Variants in KLHL13 observed in about 807,000 individuals in gnomAD.
KLHL13 encodes the protein kelch like family member 13, also known as kelch-like protein 13.
In KLHL13, 10 loss-of-function variants were observed where a neutral mutation model predicts 37.1. That is an observed-to-expected ratio of 0.27 (90% CI 0.17 to 0.46). KLHL13 has a LOEUF of 0.46. KLHL13 is among the 20% of genes least tolerant of loss of function. The pLI is 1.00. For missense variants in KLHL13, 360 were observed against 509.3 expected, an observed-to-expected ratio of 0.71 and a Z score of 2.82; for synonymous variants, 163 against 181.2, an observed-to-expected ratio of 0.90 and a Z score of 0.81.
intron 1 of KLHL13, chrX:117,946,516 T>G (rs1933326386): frequency 1.8e-5 from 2 of 112,148 alleles, no homozygotes; most frequent in Non-Finnish European, 3.8e-5. Context: ...GAAGAGATCT[T>G]GTGTTTCTCC....
Position 118,046,550 on chromosome X carries a change from G to T in KLHL13, c.-56+69958C>A, listed in dbSNP as rs1051000745. Among the ~76,000 whole-genome samples the T allele has an allele frequency of 5.4e-5, 6 of 111,934 alleles. No homozygotes were observed. The Admixed American group carries it at 5.7e-4, about 11-fold the overall frequency. ...TAAAATAACTTAAAGAGTATAATTA[G>T]ATTGCTTGTAACTCAAAGGATAAAT... On this transcript the variant is annotated intron_variant, in intron 1 of 6. Transcript: ENST00000371882.
intron 5 of KLHL13, among the ~76,000 whole-genome samples, chrX:117,908,329 G>A (rs1297216906): frequency 9.2e-6 from 1 of 108,553 alleles, no homozygotes; most frequent in Non-Finnish European, 1.9e-5. Flanking sequence ...GTGCCATGGT[G>A]GTTTGCTGCA....
chrX:117,955,224 T>G (rs1479661656), intron 1 of KLHL13, among the ~76,000 whole-genome samples: 1 of 111,938 alleles, frequency 8.9e-6, no homozygotes, highest in African/African-American at 3.2e-5. Flanking sequence ...AATCAACTGC[T>G]AAAAGGTGGT....
At position 118,071,884 on chromosome X, in the gene KLHL13, C is replaced by T. The variant is rs777478122; in HGVS notation, c.-56+44624G>A. Among the ~76,000 whole-genome samples, 380 of 105,907 alleles carry T rather than the reference C, an allele frequency of 3.6e-3. 2 individuals are homozygous for T. The highest frequency in any genetic ancestry group is 4.7e-3 in the Non-Finnish European group (240 of 51,264). The allele number at this position is 105,907 out of a possible 115,157, so 92.0% of individuals were successfully genotyped here. On this transcript the variant is annotated intron_variant, in intron 1 of 6. Transcript: ENST00000371882. ...GCTCATGGGTAGGAAGAATCAATAT[C>T]GTGAAAATGGCCATACTGCCCAAGG... is the stretch of plus-strand genomic sequence containing the variant.
At chrX:118,106,048 C>T (rs2055343150) in intron 1 of KLHL13, among the ~76,000 whole-genome samples, 1 of 105,410 alleles carries the variant, frequency 9.5e-6, no homozygotes, top group South Asian at 4.4e-4. Context: ...ACTACAGGCA[C>T]CTGCCACCAC....
intron 1 of KLHL13, among the ~76,000 whole-genome samples, chrX:118,038,071 C>A (rs1467043453): frequency 8.9e-6 from 1 of 112,263 alleles, no homozygotes; most frequent in Non-Finnish European, 1.9e-5. Flanking sequence ...GTTTGATGTA[C>A]ACACATTTAT....
chrX:117,946,717 T>C (rs1933337027), intron 1 of KLHL13: 1 of 112,448 alleles, frequency 8.9e-6, no homozygotes, highest in African/African-American at 3.2e-5. Context: ...TTCCTCAATT[T>C]TGAATTATTT....
chrX:118,067,554 AAC>A (rs1435324722), intron 1 of KLHL13, among the ~76,000 whole-genome samples: 1 of 112,022 alleles, frequency 8.9e-6, no homozygotes, highest in African/African-American at 3.2e-5. Context: ...CTTAGCTTAA[AAC>A]ACATTATACA....
intron 1 of KLHL13, among the ~76,000 whole-genome samples, chrX:118,039,622 C>T (rs1452607514): frequency 8.9e-6 from 1 of 111,871 alleles, no homozygotes; most frequent in Non-Finnish European, 1.9e-5. Flanking sequence ...CTTTAACTCC[C>T]AGACAGGATC....
At chrX:118,014,534 T>G (rs2054105444) in intron 1 of KLHL13, among the ~76,000 whole-genome samples, 1 of 112,259 alleles carries the variant, frequency 8.9e-6, no homozygotes, top group South Asian at 3.7e-4. Context: ...CCTTGTGATC[T>G]TTTATTGCCC....
At chrX:117,904,108 T>C (rs1930339113) in intron 5 of KLHL13, among the ~76,000 whole-genome samples, 1 of 110,773 alleles carries the variant, frequency 9.0e-6, no homozygotes, top group African/African-American at 3.3e-5. Flanking sequence ...CAGTTCAAGA[T>C]AGCTATTAAC....
chrX:118,018,693 G>A (rs1436666398), intron 1 of KLHL13, among the ~76,000 whole-genome samples: 2 of 111,376 alleles, frequency 1.8e-5, no homozygotes, highest in Non-Finnish European at 3.8e-5. Flanking sequence ...CTGTCTCTGA[G>A]CAGAATTTTT....
intron 4 of KLHL13, among the ~76,000 whole-genome samples, chrX:117,915,106 A>T (rs898424501): frequency 1.8e-5 from 2 of 111,821 alleles, no homozygotes; most frequent in Non-Finnish European, 3.8e-5. Flanking sequence ...TTTTAATTTT[A>T]ATTATCTATA....
chrX:118,027,146 G>T lies in KLHL13; in HGVS notation c.-55-81571C>A, dbSNP rs150875231. 3.0e-3 allele frequency among the ~76,000 whole-genome samples: 338 copies of T among 111,762 alleles called. 1 individual carries two copies. In the East Asian group the frequency reaches 0.049, roughly 16 times the overall value. ...AAGGACTATATCATCTGTTTATTAT[G>T]AGAGTGTTTTGAGAAAGTTACCAAA... On this transcript the variant is annotated intron_variant, in intron 1 of 6. Transcript: ENST00000371882.
chrX:118,077,878 A>T (rs2054943522), intron 1 of KLHL13, among the ~76,000 whole-genome samples: 1 of 111,755 alleles, frequency 8.9e-6, no homozygotes, highest in South Asian at 3.7e-4. Context: ...TTTTGCAATA[A>T]TTCAAAATGA....
At position 118,079,411 on chromosome X, in the gene KLHL13, G is replaced by A. The variant is rs149199753; in HGVS notation, c.-56+37097C>T. Among the ~76,000 whole-genome samples, 45 of 110,692 alleles carry A rather than the reference G, an allele frequency of 4.1e-4. No homozygotes were observed. The East Asian group carries it at 0.011, about 27-fold the overall frequency. ...AATACCCTAAAAAATCCACCAAAAC[G>A]CTACTAGAACTGATAAACCATTTTA... is the stretch of plus-strand genomic sequence containing the variant. On this transcript the variant is annotated intron_variant, in intron 1 of 6. Coordinates refer to the KLHL13 transcript ENST00000371882.
chrX:118,090,954 A>T (rs1328046326), intron 1 of KLHL13, among the ~76,000 whole-genome samples: 1 of 108,113 alleles, frequency 9.2e-6, no homozygotes. Context: ...AGTCATAAAA[A>T]ATGATGAGTT....
At chrX:117,933,607 T>C (rs765281649) in intron 2 of KLHL13, among the ~76,000 whole-genome samples, 1 of 111,588 alleles carries the variant, frequency 9.0e-6, no homozygotes, top group Non-Finnish European at 1.9e-5. Flanking sequence ...AAGGATTTTT[T>C]TAATAGGTCC....
chrX:117,903,180 G>C (rs1930239491), intron 5 of KLHL13, among the ~76,000 whole-genome samples: 2 of 69,755 alleles, frequency 2.9e-5, no homozygotes, highest in Non-Finnish European at 4.9e-5. Context: ...AGAGGAGAGC[G>C]AGAGAGAGAG....
Sources: gnomAD v4.1 joint callset for allele counts (sites outside exome capture counted in the v4.1 genomes callset) on GRCh38, gnomAD v4.1.1 for gene constraint, MANE v1.5 for transcripts, NCBI Gene and HGNC (gene_info 2026-07-23, HGNC 2026-07-21) for gene names.